Variants in MROH9 observed in about 807,000 individuals in gnomAD.
MROH9 encodes maestro heat like repeat family member 9, also known as maestro heat-like repeat-containing protein family member 9.
In MROH9, 92 loss-of-function variants were observed where a neutral mutation model predicts 98.2. The ratio of observed to expected loss-of-function variants is 0.94; its 90% CI spans 0.79 to 1.11. The LOEUF (loss-of-function observed/expected upper bound fraction) is 1.11. MROH9 is among the 50% of genes most tolerant of loss of function. The probability of loss-of-function intolerance (pLI) is 0.00; values close to 1 mark genes in which losing one functional copy is unlikely to be tolerated. For synonymous variants in MROH9, 397 were observed against 368.9 expected, an observed-to-expected ratio of 1.08 and a Z score of -0.87; for missense variants, 1,057 against 1,014.8, an observed-to-expected ratio of 1.04 and a Z score of -0.57.
At chr1:170,976,678 C>T (rs1650707288) in intron 8 of MROH9, among the ~76,000 whole-genome samples, 1 of 152,046 alleles carries the variant, frequency 6.6e-6, no homozygotes, top group South Asian at 2.1e-4. Context: ...AACATATTTT[C>T]TTTTTTTATT....
In MROH9 at chr1:170,998,134, T is replaced by C. The variant is rs1207408072; in HGVS notation, c.1476-20T>C. On this transcript the variant is annotated intron_variant, in intron 14 of 21. Coordinates refer to ENST00000367759, the MANE Select transcript of MROH9 (RefSeq NM_001163629.2). ...GGTGTTTTCTCCTTTGCTAATTCAG[T>C]GCCTTATTCTCTTTTACAGAACTCT... is the stretch of plus-strand genomic sequence containing the variant. 1 of 1,569,406 alleles carries C rather than the reference T, an allele frequency of 6.4e-7. No homozygotes were observed. The highest frequency in any genetic ancestry group is 8.6e-7 in the Non-Finnish European group (1 of 1,160,024).
Position 171,053,240 on chromosome 1 carries a change from T to C in MROH9, c.2282-8892T>C, listed in dbSNP as rs567268852. Reference sequence around the variant, plus strand: ...CTCTGAGGCCCAAGACAAATGCTCATGGTAGCCATCACTGCCAGATCACCA... The same window carrying C: ...CTCTGAGGCCCAAGACAAATGCTCACGGTAGCCATCACTGCCAGATCACCA... On this transcript the variant is annotated intron_variant, in intron 20 of 21. Transcript: ENST00000367759. Among the ~76,000 whole-genome samples, 10 of 152,280 alleles carry C rather than the reference T, an allele frequency of 6.6e-5. No individual in the cohort carries two copies. The East Asian group carries it at 1.4e-3, about 21-fold the overall frequency.
chr1:170,990,036 A>C (rs1225362126), intron 11 of MROH9, 33 bp downstream of exon 11: 2 of 1,584,034 alleles, frequency 1.3e-6, no homozygotes. Flanking sequence ...CCCTTCCACA[A>C]GGGCTTGTTC....
At chr1:170,936,945 C>T (rs61814151) in intron 1 of MROH9, among the ~76,000 whole-genome samples, 3,263 of 152,236 alleles carry the variant, frequency 0.021, 61 homozygotes, top group Admixed American at 0.045. Context: ...ACATGCATTA[C>T]ATCATTTCTT....
At chr1:171,049,035 C>T (rs1347478767) in intron 20 of MROH9, among the ~76,000 whole-genome samples, 1 of 152,114 alleles carries the variant, frequency 6.6e-6, no homozygotes, top group African/African-American at 2.4e-5. Context: ...AGACAAAGCC[C>T]TCCCCACTTT....
chr1:170,979,548 T>C (rs1650847518), intron 8 of MROH9, among the ~76,000 whole-genome samples: 1 of 152,214 alleles, frequency 6.6e-6, no homozygotes, highest in Non-Finnish European at 1.5e-5. Flanking sequence ...CAGAACTATA[T>C]GTAAAATCTA....
At chr1:170,998,327 A>G (rs759921479) in intron 15 of MROH9, 53 bp downstream of exon 15, 2 of 1,612,862 alleles carry the variant, frequency 1.2e-6, no homozygotes, top group South Asian at 1.1e-5. Flanking sequence ...TTCTTACCCA[A>G]ATTTAAATCA....
chr1:170,941,472 A>T (rs6662753), intron 1 of MROH9, among the ~76,000 whole-genome samples: 14,428 of 152,120 alleles, frequency 0.095, 1,081 homozygotes, highest in African/African-American at 0.21. Context: ...ATAAGAATTT[A>T]ATAGGCCTCC....
intron 7 of MROH9, among the ~76,000 whole-genome samples, chr1:170,970,702 C>CTGTGTGTGTGTGTGTG (rs3980698): frequency 0.012 from 1,376 of 118,358 alleles, 26 homozygotes; most frequent in African/African-American, 0.018. Flanking sequence ...TTAGGAATTT[C>CTGTGTGTGTGTGTGTG]TGTGTGTGTG....
chr1:171,014,865 C>G, intron 16 of MROH9: 1 of 418,852 alleles, frequency 2.4e-6, no homozygotes, highest in Non-Finnish European at 4.9e-6. Flanking sequence ...GCCCCACCCC[C>G]GTCCTATGGA....
intron 1 of MROH9, among the ~76,000 whole-genome samples, chr1:170,942,424 C>A (rs28652568): frequency 6.7e-6 from 1 of 149,642 alleles, no homozygotes; most frequent in Non-Finnish European, 1.5e-5. Context: ...CAGAGAATAC[C>A]GATAATTTTA....
chr1:170,944,791 A>G (rs1273784415), intron 1 of MROH9, among the ~76,000 whole-genome samples: 3 of 151,978 alleles, frequency 2.0e-5, no homozygotes, highest in African/African-American at 7.2e-5. Flanking sequence ...GGCCCCCAAT[A>G]TTCCTGTCCC....
rs528324991 is a variant in MROH9 at position 171,056,280 on chromosome 1, C to T, written c.2282-5852C>T. On this transcript the variant is annotated intron_variant, in intron 20 of 21. Transcript: ENST00000367759. ...AGTGTGGCATCCATCTCTATAGCTC[C>T]AGGCTGTGCTTTTCCCCTGCTGGAA... 6.6e-5 allele frequency among the ~76,000 whole-genome samples: 10 copies of T among 152,314 alleles called. No homozygotes were observed. The East Asian group carries it at 1.9e-3, about 29-fold the overall frequency.
intron 20 of MROH9, among the ~76,000 whole-genome samples, chr1:171,029,141 T>C (rs975452685): frequency 2.6e-5 from 4 of 152,204 alleles, no homozygotes; most frequent in African/African-American, 9.6e-5. Flanking sequence ...GACATTGATA[T>C]GATATTGGCT....
chr1:170,992,810 T>C (rs186531947), intron 12 of MROH9, among the ~76,000 whole-genome samples: 5 of 152,194 alleles, frequency 3.3e-5, no homozygotes, highest in Admixed American at 2.0e-4. Context: ...TCTGAGTGAA[T>C]TGGGCAAGGG....
chr1:171,045,284 G>A (rs1302629551), intron 20 of MROH9, among the ~76,000 whole-genome samples: 2 of 151,900 alleles, frequency 1.3e-5, no homozygotes, highest in African/African-American at 4.8e-5. Context: ...ACAGGCATGC[G>A]CCACCGTGCT....
intron 3 of MROH9, among the ~76,000 whole-genome samples, chr1:170,954,486 C>A (rs541646683): frequency 6.6e-6 from 1 of 151,996 alleles, no homozygotes; most frequent in African/African-American, 2.4e-5. Context: ...TCTTTGATAT[C>A]CTGCTTTTAT....
chr1:171,019,422 G>A (rs146413479), intron 17 of MROH9, among the ~76,000 whole-genome samples: 181 of 152,252 alleles, frequency 1.2e-3, no homozygotes, highest in African/African-American at 3.0e-3. Context: ...GGAAGGCTGA[G>A]GTGGGTGGAT....
intron 2 of MROH9, 41 bp from the exon 3 acceptor site, chr1:170,947,486 A>C: frequency 6.4e-7 from 1 of 1,562,204 alleles, no homozygotes; most frequent in African/African-American, 1.4e-5. Flanking sequence ...ATAGGAGTCT[A>C]TGTTCATTCC....
Sources: gnomAD v4.1 joint callset for allele counts (sites outside exome capture counted in the v4.1 genomes callset) on GRCh38, gnomAD v4.1.1 for gene constraint, MANE v1.5 for transcripts, NCBI Gene and HGNC (gene_info 2026-07-23, HGNC 2026-07-21) for gene names.